The following EPHA3 variants were observed in gnomAD, a reference collection of about 807,000 sequenced individuals.
The protein encoded by EPHA3 is EPH receptor A3.
EPHA3 carries 42 observed loss-of-function variants against 107.1 expected under a neutral mutation model. The ratio of observed to expected loss-of-function variants is 0.39; its 90% CI spans 0.31 to 0.51. EPHA3 has a LOEUF of 0.51. EPHA3 is among the 20% of genes least tolerant of loss of function. The probability of loss-of-function intolerance (pLI) is 0.78; values close to 1 mark genes in which losing one functional copy is unlikely to be tolerated. For missense variants in EPHA3, 1,183 were observed against 1,211.2 expected (o/e 0.98, Z 0.35); for synonymous variants, 461 against 424.8 (o/e 1.09, Z -1.05).
intron 3 of EPHA3, among the ~76,000 whole-genome samples, chr3:89,243,606 G>T (rs940280199): frequency 2.6e-5 from 4 of 152,056 alleles, no homozygotes; most frequent in African/African-American, 7.2e-5. Context: ...GGGGTTGTTG[G>T]TTTTTTTCTT....
At chr3:89,314,280 TA>T (rs1303166063) in intron 3 of EPHA3, among the ~76,000 whole-genome samples, 2 of 152,100 alleles carry the variant, frequency 1.3e-5, no homozygotes, top group East Asian at 3.9e-4. Flanking sequence ...TTCTATTTTC[TA>T]AAGTTTCTGA....
At chr3:89,151,303 TA>T (rs1366104178) in intron 2 of EPHA3, among the ~76,000 whole-genome samples, 2 of 152,246 alleles carry the variant, frequency 1.3e-5, no homozygotes, top group East Asian at 3.9e-4. Flanking sequence ...ACTTCTAAGA[TA>T]CCATTATACT....
chr3:89,472,543 T>C lies in EPHA3; in HGVS notation c.2770T>C (p.Trp924Arg), dbSNP rs35124509. 628,833 of 1,613,302 alleles carry C rather than the reference T, an allele frequency of 0.39. 128,571 individuals are homozygous for C. The highest frequency in any genetic ancestry group is 0.64 in the African/African-American group (47,825 of 74,888). The change falls in exon 16 of 17, where the codon TGG becomes CGG. Residue 924 changes from tryptophan to arginine, a missense_variant. By Grantham distance (101) the Trp-to-Arg change is moderately radical. Transcript: ENST00000336596. The part of the protein sequence containing the change: ...RTTGDWLNGV[W>R]TAHCKEIFTG... ...AACAGGTGACTGGCTTAATGGTGTC[T>C]GGACAGCACACTGCAAGGAAATCTT...
At chr3:89,295,790 A>G (rs1018593349) in intron 3 of EPHA3, among the ~76,000 whole-genome samples, 5 of 151,694 alleles carry the variant, frequency 3.3e-5, no homozygotes, top group South Asian at 2.1e-4. Flanking sequence ...GAGTTTCCCT[A>G]TGTTGGCCAG....
intron 2 of EPHA3, among the ~76,000 whole-genome samples, chr3:89,164,448 T>G (rs569214116): frequency 1.3e-5 from 2 of 152,270 alleles, no homozygotes; most frequent in Admixed American, 6.5e-5. Context: ...ATTGCTGGGA[T>G]TAACTGGAAA....
At chr3:89,228,097 C>A (rs1221788908) in intron 3 of EPHA3, among the ~76,000 whole-genome samples, 5 of 151,638 alleles carry the variant, frequency 3.3e-5, no homozygotes, top group Non-Finnish European at 5.9e-5. Flanking sequence ...ACTTTGGTAT[C>A]CTTAGTTAGA....
intron 16 of EPHA3, among the ~76,000 whole-genome samples, chr3:89,474,649 A>G (rs1710470300): frequency 6.6e-6 from 1 of 152,214 alleles, no homozygotes; most frequent in African/African-American, 2.4e-5. Flanking sequence ...GAAATGTATG[A>G]GGCAGAACAC....
intron 3 of EPHA3, among the ~76,000 whole-genome samples, chr3:89,311,694 T>G (rs1439370357): frequency 2.6e-5 from 4 of 152,068 alleles, no homozygotes; most frequent in Non-Finnish European, 4.4e-5. Context: ...GCTTAGTGAA[T>G]AGGGATTGTC....
At chr3:89,321,177 C>T (rs1201403590) in intron 3 of EPHA3, among the ~76,000 whole-genome samples, 1 of 151,910 alleles carries the variant, frequency 6.6e-6, no homozygotes, top group Non-Finnish European at 1.5e-5. Context: ...TTTTAAGGTT[C>T]TATGCTGCGA....
Position 89,384,930 on chromosome 3 carries a change from G to A in EPHA3, c.1307-10907G>A, listed in dbSNP as rs367795251. On this transcript the variant is annotated intron_variant, in intron 5 of 16. Coordinates refer to ENST00000336596, the MANE Select transcript of EPHA3 (RefSeq NM_005233.6). ...TTATATGTACTCACAGCCCTCTAAA[G>A]GACCTAAAGAGATAAAAATATTGTA... Among the ~76,000 whole-genome samples the A allele has an allele frequency of 3.9e-5, 6 of 152,034 alleles. No individual in the cohort carries two copies. The East Asian group carries it at 5.8e-4, about 15-fold the overall frequency.
intron 3 of EPHA3, among the ~76,000 whole-genome samples, chr3:89,253,629 A>G (rs1379847033): frequency 3.3e-5 from 5 of 152,170 alleles, no homozygotes; most frequent in East Asian, 1.9e-4. Flanking sequence ...TTTTAAAGAA[A>G]TAGCAATTTA....
intron 3 of EPHA3, among the ~76,000 whole-genome samples, chr3:89,309,797 T>C (rs1052205477): frequency 6.6e-6 from 1 of 152,194 alleles, no homozygotes; most frequent in African/African-American, 2.4e-5. Context: ...AATAATTAAA[T>C]ACAAATTTAA....
intron 3 of EPHA3, among the ~76,000 whole-genome samples, chr3:89,283,959 A>G (rs1410118857): frequency 6.6e-6 from 1 of 152,096 alleles, no homozygotes; most frequent in Non-Finnish European, 1.5e-5. Flanking sequence ...TGGAATACTA[A>G]ACATGAATAC....
At chr3:89,165,429 A>G (rs947175850) in intron 2 of EPHA3, among the ~76,000 whole-genome samples, 9 of 152,216 alleles carry the variant, frequency 5.9e-5, no homozygotes, top group Non-Finnish European at 1.3e-4. Flanking sequence ...CAATGCAAAT[A>G]TATTTCAAAT....
At chr3:89,439,723 GCACACACACACACA>G (rs59868005) in intron 13 of EPHA3, among the ~76,000 whole-genome samples, 5 of 133,222 alleles carry the variant, frequency 3.8e-5, no homozygotes, top group Non-Finnish European at 8.4e-5. Flanking sequence ...TCATATTAAG[GCACACACACACACA>G]CACACACACA....
chr3:89,324,977 T>G (rs553664756), intron 3 of EPHA3, among the ~76,000 whole-genome samples: 2 of 152,290 alleles, frequency 1.3e-5, no homozygotes, highest in East Asian at 3.9e-4. Flanking sequence ...TCCTGCCTAA[T>G]TCACTTCGCA....
At chr3:89,339,370 CAAAAAAAAAA>C in intron 3 of EPHA3, among the ~76,000 whole-genome samples, 1 of 106,604 alleles carries the variant, frequency 9.4e-6, no homozygotes, top group East Asian at 2.8e-4. Flanking sequence ...GACTCCATCT[CAAAAAAAAAA>C]AAAAAAAAAA....
intron 2 of EPHA3, among the ~76,000 whole-genome samples, chr3:89,156,312 A>T (rs1402847133): frequency 6.6e-6 from 1 of 152,072 alleles, no homozygotes; most frequent in Admixed American, 6.6e-5. Flanking sequence ...GGATGTTAGA[A>T]ATCCAGGACT....
intron 3 of EPHA3, among the ~76,000 whole-genome samples, chr3:89,305,705 T>C (rs1706603779): frequency 6.6e-6 from 1 of 152,118 alleles, no homozygotes; most frequent in African/African-American, 2.4e-5. Context: ...ATTAACCCCT[T>C]GGCTGCTTCC....
Sources: gnomAD v4.1 joint callset for allele counts (sites outside exome capture counted in the v4.1 genomes callset) on GRCh38, gnomAD v4.1.1 for gene constraint, MANE v1.5 for transcripts, NCBI Gene and HGNC (gene_info 2026-07-23, HGNC 2026-07-21) for gene names.